Variants in VAPB observed in about 807,000 individuals in gnomAD.
VAPB encodes vesicle-associated membrane protein-associated protein B/C.
In VAPB, 7 loss-of-function variants were observed where a neutral mutation model predicts 25.6. The observed-to-expected ratio is 0.27, with a 90% CI of 0.16 to 0.51. The LOEUF (loss-of-function observed/expected upper bound fraction) is 0.51. Ranked by LOEUF, VAPB falls within the 20% of genes least tolerant of loss-of-function variation. The pLI is 0.97. For synonymous variants in VAPB, 112 were observed against 109.2 expected, an observed-to-expected ratio of 1.03 and a Z score of -0.16; for missense variants, 266 against 301.3, an observed-to-expected ratio of 0.88 and a Z score of 0.87.
chr20:58,423,426 A>AAAAAAG, intron 2 of VAPB, among the ~76,000 whole-genome samples: 1 of 143,726 alleles, frequency 7.0e-6, no homozygotes, highest in Non-Finnish European at 1.5e-5. Context: ...AAAAAAAAAA[A>AAAAAAG]AAAAAAAAAA....
At position 58,445,155 on chromosome 20, in the gene VAPB, A is replaced by G. The variant is rs1989254733; in HGVS notation, c.*920A>G. On this transcript the variant is annotated 3_prime_UTR_variant, in exon 6 of 6. Transcript: ENST00000475243. ...GGAAGTGTTTTTTCTGGGTCAGTAA[A>G]TAACAACTGTCATAGGGAGGGAAAT... is the stretch of plus-strand genomic sequence containing the variant. 2.2e-6 allele frequency: 1 copy of G among 454,144 alleles called. No homozygotes were observed. Among genetic ancestry groups the G allele is most frequent in the African/African-American group, 2.0e-5 (1 of 49,984 alleles). The allele number at this position is 454,144 out of a possible 1,614,324, so 28.1% of individuals were successfully genotyped here.
Position 58,396,407 on chromosome 20 carries a change from A to G in VAPB, c.58+6890A>G, listed in dbSNP as rs115767436. Among the ~76,000 whole-genome samples, 802 of 152,330 alleles carry G rather than the reference A, an allele frequency of 5.3e-3. 7 individuals are homozygous for G. The highest frequency in any genetic ancestry group is 0.018 in the African/African-American group (750 of 41,580). ...CCATCTGGGAAGTGGAGACTAGGGC[A>G]ATAAATGTTTTAGGGGTAGATTGAG... On this transcript the variant is annotated intron_variant, in intron 1 of 5. Coordinates refer to ENST00000475243, the MANE Select transcript of VAPB (RefSeq NM_004738.5).
chr20:58,423,133 C>G (rs1313012089), intron 2 of VAPB, among the ~76,000 whole-genome samples: 1 of 152,004 alleles, frequency 6.6e-6, no homozygotes, highest in African/African-American at 2.4e-5. Context: ...TCAGGACAGC[C>G]AGGTGCAGTG....
At chr20:58,425,313 T>G (rs1026669412) in intron 2 of VAPB, among the ~76,000 whole-genome samples, 3 of 152,122 alleles carry the variant, frequency 2.0e-5, no homozygotes, top group Admixed American at 2.0e-4. Context: ...AGGGAGTGAC[T>G]CTGGGAAGTG....
At chr20:58,434,893 AT>A (rs1463416615) in intron 3 of VAPB, among the ~76,000 whole-genome samples, 188 bp downstream of exon 3, 2 of 151,662 alleles carry the variant, frequency 1.3e-5, no homozygotes, top group African/African-American at 4.8e-5. Context: ...TAATTTTAAC[AT>A]TTTTTGTGAC....
rs1440772844 is a variant in VAPB, at chr20:58,447,033, G to A, written c.*2798G>A. The stretch of plus-strand genomic sequence containing the variant: ...GGCATGGAAAGAGCGAGCCTAGGGA[G>A]GATGCCGCTGGGCAGTGTGCATGGG... On this transcript the variant is annotated 3_prime_UTR_variant, in exon 6 of 6. Coordinates refer to ENST00000475243, the MANE Select transcript of VAPB (RefSeq NM_004738.5). 1 of 453,918 alleles carries A rather than the reference G, an allele frequency of 2.2e-6. No homozygotes were observed. Among genetic ancestry groups the A allele is most frequent in the African/African-American group, 2.0e-5 (1 of 50,000 alleles). 28.1% of individuals were successfully genotyped at this position (453,918 alleles called of 1,614,324 possible). A position where few individuals can be genotyped will look rare whatever the true frequency, so the allele number is the denominator to read the frequency against.
intron 4 of VAPB, chr20:58,440,657 T>C (rs539206617): frequency 2.5e-6 from 1 of 405,470 alleles, no homozygotes; most frequent in Non-Finnish European, 4.6e-6. Context: ...CAGCCCTTTT[T>C]CTCTTTCTTT....
intron 1 of VAPB, among the ~76,000 whole-genome samples, chr20:58,389,757 C>G (rs1987742411): frequency 6.6e-6 from 1 of 152,224 alleles, no homozygotes; most frequent in African/African-American, 2.4e-5. Flanking sequence ...CGACCCCCAG[C>G]CTCCTGGGAC....
At chr20:58,422,252 G>A (rs1356596586) in intron 2 of VAPB, among the ~76,000 whole-genome samples, 2 of 152,092 alleles carry the variant, frequency 1.3e-5, no homozygotes, top group Non-Finnish European at 2.9e-5. Context: ...GGGGTGCAGG[G>A]GGCTTTCTGT....
At chr20:58,409,429 T>G (rs1267667567) in intron 1 of VAPB, among the ~76,000 whole-genome samples, 4 of 152,192 alleles carry the variant, frequency 2.6e-5, no homozygotes, top group Non-Finnish European at 5.9e-5. Context: ...TTTTCCCACA[T>G]AGAGAGTCTA....
At chr20:58,389,758 C>T (rs1228456292) in intron 1 of VAPB, among the ~76,000 whole-genome samples, 1 of 152,240 alleles carries the variant, frequency 6.6e-6, no homozygotes, top group African/African-American at 2.4e-5. Context: ...GACCCCCAGC[C>T]TCCTGGGACT....
chr20:58,444,162 T>C lies in VAPB; in HGVS notation c.659T>C (p.Leu220Pro). 6.2e-7 allele frequency: 1 copy of C among 1,614,238 alleles called. No individual in the cohort carries two copies. Among genetic ancestry groups the C allele is most frequent in the Non-Finnish European group, 8.5e-7 (1 of 1,180,030 alleles). The change falls in exon 6 of 6, where the codon CTT becomes CCT. Residue 220 changes from leucine (L) to proline (P), a missense_variant. Leu to Pro is a moderately conservative substitution (Grantham distance 98). Coordinates refer to ENST00000475243, the MANE Select transcript of VAPB (RefSeq NM_004738.5). Reference sequence around the variant, plus strand: ...GCCCCAACTGGGAAGGAAGAAGGCCTTAGCACCCGGCTCTTGGCTCTGGTG... The same window carrying C: ...GCCCCAACTGGGAAGGAAGAAGGCCCTAGCACCCGGCTCTTGGCTCTGGTG... ...ALAPTGKEEG[L>P]STRLLALVVL...
chr20:58,433,576 G>C (rs910558014), intron 2 of VAPB, among the ~76,000 whole-genome samples: 1 of 152,208 alleles, frequency 6.6e-6, no homozygotes, highest in Non-Finnish European at 1.5e-5. Context: ...CTGGGTTTGA[G>C]TCTGCACTCC....
At chr20:58,413,077 G>A (rs1054965418) in intron 1 of VAPB, among the ~76,000 whole-genome samples, 16 of 150,506 alleles carry the variant, frequency 1.1e-4, no homozygotes, top group African/African-American at 3.4e-4. Flanking sequence ...AGAGTAAAAA[G>A]CAACTATTTC....
chr20:58,418,052 A>G (rs1248172192), intron 1 of VAPB, among the ~76,000 whole-genome samples, 159 bp from the exon 2 acceptor site: 1 of 152,244 alleles, frequency 6.6e-6, no homozygotes, highest in Non-Finnish European at 1.5e-5. Flanking sequence ...CGTTACTGCT[A>G]GTGCATTAAC....
intron 1 of VAPB, among the ~76,000 whole-genome samples, chr20:58,414,881 A>C (rs1341503639): frequency 6.6e-6 from 1 of 152,174 alleles, no homozygotes; most frequent in Non-Finnish European, 1.5e-5. Context: ...GGCGGCTGGG[A>C]GGTGGAGGTT....
chr20:58,394,227 G>A (rs1987891495), intron 1 of VAPB, among the ~76,000 whole-genome samples: 1 of 152,156 alleles, frequency 6.6e-6, no homozygotes, highest in South Asian at 2.1e-4. Context: ...ATAGTTTAAG[G>A]ACGTTGTTTG....
Position 58,438,917 on chromosome 20 carries a change from C to A in VAPB, c.316-28C>A, listed in dbSNP as rs775097382. The A allele has an allele frequency of 3.2e-6, 5 of 1,586,468 alleles. No homozygotes were observed. In the South Asian group the frequency reaches 5.5e-5, roughly 18 times the overall value. ...TATTCTTCCAGCAGGTTTATAATAT[C>A]TTGATTATTAAATTTAAATTGTTTT... On this transcript the variant is annotated intron_variant, in intron 3 of 5. Coordinates refer to ENST00000475243, the MANE Select transcript of VAPB (RefSeq NM_004738.5).
chr20:58,446,438 T>C lies in VAPB; in HGVS notation c.*2203T>C. The C allele has an allele frequency of 4.4e-6, 2 of 454,130 alleles. No individual in the cohort carries two copies. Among genetic ancestry groups the C allele is most frequent in the Non-Finnish European group, 8.8e-6 (2 of 226,786 alleles). The allele number at this position is 454,130 out of a possible 1,614,324, so 28.1% of individuals were successfully genotyped here. A position where few individuals can be genotyped will look rare whatever the true frequency, so the allele number is the denominator to read the frequency against. ...CCCATTACACTAGAGCAGGGCTCTA[T>C]TTATTTTTAAAGGATATGGCCGTGT... On this transcript the variant is annotated 3_prime_UTR_variant, in exon 6 of 6. Transcript: ENST00000475243.
Sources: gnomAD v4.1 joint callset for allele counts (sites outside exome capture counted in the v4.1 genomes callset) on GRCh38, gnomAD v4.1.1 for gene constraint, MANE v1.5 for transcripts, NCBI Gene and HGNC (gene_info 2026-07-23, HGNC 2026-07-21) for gene names.